OPCML: variants seen among roughly 807,000 people sequenced by gnomAD.
The protein encoded by OPCML is opioid-binding protein/cell adhesion molecule.
In OPCML, 13 loss-of-function variants were observed where a neutral mutation model predicts 37.8. The ratio of observed to expected loss-of-function variants is 0.34; its 90% CI spans 0.22 to 0.55. The LOEUF is 0.55. Among genes scored for constraint, OPCML ranks in the 20% least tolerant of loss-of-function variants. The probability of loss-of-function intolerance (pLI) is 0.91; values close to 1 mark genes in which losing one functional copy is unlikely to be tolerated. For synonymous variants in OPCML, 176 were observed against 168.8 expected, an observed-to-expected ratio of 1.04 and a Z score of -0.33; for missense variants, 341 against 435.6, an observed-to-expected ratio of 0.78 and a Z score of 1.93.
intron 1 of OPCML, among the ~76,000 whole-genome samples, chr11:133,138,712 A>G (rs1949727633): frequency 6.6e-6 from 1 of 152,154 alleles, no homozygotes; most frequent in South Asian, 2.1e-4. Flanking sequence ...CACTCCTGGT[A>G]GATGCTGTAG....
chr11:132,940,529 C>T (rs557147675), intron 2 of OPCML, among the ~76,000 whole-genome samples: 4 of 152,148 alleles, frequency 2.6e-5, no homozygotes, highest in Non-Finnish European at 5.9e-5. Context: ...AAAACACCAC[C>T]AAATAAAACA....
chr11:132,526,872 C>A (rs527834993), intron 4 of OPCML, among the ~76,000 whole-genome samples: 1 of 152,214 alleles, frequency 6.6e-6, no homozygotes, highest in Non-Finnish European at 1.5e-5. Flanking sequence ...TCTTGTGGCC[C>A]TTTGCCGTCA....
At chr11:132,823,192 C>CCCTGTT (rs1211474873) in intron 2 of OPCML, among the ~76,000 whole-genome samples, 7 of 152,188 alleles carry the variant, frequency 4.6e-5, no homozygotes, top group Admixed American at 4.6e-4. Flanking sequence ...CTTCCCCTGT[C>CCCTGTT]CCTGTTCCAT....
At chr11:133,365,313 C>A in intron 1 of OPCML, 1 of 152,862 alleles carries the variant, frequency 6.5e-6, no homozygotes, top group South Asian at 1.9e-4. Flanking sequence ...ACTTACATTT[C>A]TCACAATTCT....
rs765844328 is a variant in OPCML, at chr11:132,420,263, G to A, written c.947C>T (p.Ser316Leu). ...GPGAVIDGVN[S>L]ASRALACLWL... Reference sequence around the variant, plus strand: ...GAGACAAGCCAGTGCTCTGGAGGCCGAGTTTACACCATCAATGACTGCTCC... The same window carrying A: ...GAGACAAGCCAGTGCTCTGGAGGCCAAGTTTACACCATCAATGACTGCTCC... The change falls in exon 8 of 8, where the codon TCG becomes TTG. Residue 316 changes from serine (S) to leucine (L), a missense_variant. Transcript: ENST00000524381. 21 of 1,613,718 alleles carry A rather than the reference G, an allele frequency of 1.3e-5. No homozygotes were observed. Among genetic ancestry groups the A allele is most frequent in the Non-Finnish European group, 1.4e-5 (17 of 1,179,842 alleles).
intron 1 of OPCML, among the ~76,000 whole-genome samples, chr11:132,992,463 C>A (rs75616982): frequency 0.019 from 2,859 of 152,186 alleles, 38 homozygotes; most frequent in Middle Eastern, 0.068. Context: ...TACTTATACA[C>A]GCATCTATTT....
intron 1 of OPCML, among the ~76,000 whole-genome samples, chr11:133,496,873 C>T (rs1031403137): frequency 1.3e-5 from 2 of 152,098 alleles, no homozygotes; most frequent in Non-Finnish European, 2.9e-5. Context: ...TCCTCTTTAC[C>T]AATTTGGATG....
Position 133,151,259 on chromosome 11 carries a change from C to G in OPCML, c.62-208249G>C, listed in dbSNP as rs1023490900. On this transcript the variant is annotated intron_variant, in intron 1 of 7. Coordinates refer to ENST00000524381, the MANE Select transcript of OPCML (RefSeq NM_001012393.5). ...CTGCACTCCAGCCTGGGCAACAGAGCGAGACTCTGTCTCAATAATAATAAT... is the reference window on the plus strand; with the variant it reads ...CTGCACTCCAGCCTGGGCAACAGAGGGAGACTCTGTCTCAATAATAATAAT... Among the ~76,000 whole-genome samples, 4 of 151,688 alleles carry G rather than the reference C, an allele frequency of 2.6e-5. No homozygotes were observed. The East Asian group carries it at 7.8e-4, about 29-fold the overall frequency.
chr11:132,652,385 CAGAG>C (rs796799724), intron 3 of OPCML, among the ~76,000 whole-genome samples: 252 of 126,946 alleles, frequency 2.0e-3, no homozygotes, highest in African/African-American at 8.8e-3. Context: ...CACACACACA[CAGAG>C]AGAGAAATCC....
intron 1 of OPCML, among the ~76,000 whole-genome samples, chr11:133,495,969 C>T (rs1398032220): frequency 6.6e-6 from 1 of 152,102 alleles, no homozygotes; most frequent in Non-Finnish European, 1.5e-5. Flanking sequence ...TCATGAAAAC[C>T]TTGCCTAAGC....
At chr11:132,925,518 G>T (rs974982413) in intron 2 of OPCML, among the ~76,000 whole-genome samples, 3 of 152,174 alleles carry the variant, frequency 2.0e-5, no homozygotes, top group African/African-American at 7.2e-5. Context: ...ACCTGGTGGG[G>T]CTTCTGGAGG....
At chr11:132,955,992 A>G (rs1945970426) in intron 1 of OPCML, among the ~76,000 whole-genome samples, 1 of 152,216 alleles carries the variant, frequency 6.6e-6, no homozygotes, top group Non-Finnish European at 1.5e-5. Flanking sequence ...TCCAATCAAT[A>G]TTTATTCAAT....
chr11:132,954,242 C>T (rs537498348), intron 1 of OPCML, among the ~76,000 whole-genome samples: 11 of 152,122 alleles, frequency 7.2e-5, no homozygotes, highest in African/African-American at 2.4e-4. Context: ...TGGTGTGTTA[C>T]CTGCCCTCAA....
In OPCML at chr11:133,484,164, G is replaced by GTAGA. The variant is rs532495992; in HGVS notation, c.61+48096_61+48099dup. ...GATAGATGGATAGATAGATAGATAG[G>GTAGA]TAGATAGATAGATAGATAGATAGAT... On this transcript the variant is annotated intron_variant, in intron 1 of 7. Transcript: ENST00000524381. Among the ~76,000 whole-genome samples, 833 of 138,324 alleles carry GTAGA rather than the reference G, an allele frequency of 6.0e-3. 3 individuals are homozygous for GTAGA. Among genetic ancestry groups the GTAGA allele is most frequent in the East Asian group, 0.011 (56 of 4,880 alleles). 90.7% of individuals were successfully genotyped at this position (138,324 alleles called of 152,430 possible). A position where few individuals can be genotyped will look rare whatever the true frequency, so the allele number is the denominator to read the frequency against.
At chr11:132,878,913 C>A (rs1027592616) in intron 2 of OPCML, among the ~76,000 whole-genome samples, 1 of 152,242 alleles carries the variant, frequency 6.6e-6, no homozygotes, top group African/African-American at 2.4e-5. Flanking sequence ...TTGAGTACTT[C>A]GTATTTCATT....
intron 1 of OPCML, among the ~76,000 whole-genome samples, chr11:133,510,886 T>TAC (rs918183059): frequency 3.6e-4 from 53 of 145,370 alleles, no homozygotes; most frequent in South Asian, 1.7e-3. Flanking sequence ...GCCAGCCACA[T>TAC]ACACACACAC....
At chr11:133,157,652 G>A (rs1468091170) in intron 1 of OPCML, among the ~76,000 whole-genome samples, 3 of 152,210 alleles carry the variant, frequency 2.0e-5, no homozygotes, top group Admixed American at 1.3e-4. Flanking sequence ...AGCTCACGGA[G>A]GGATAAAGGA....
chr11:133,532,181 C>T, intron 1 of OPCML, 83 bp downstream of exon 1: 4 of 1,558,866 alleles, frequency 2.6e-6, no homozygotes, highest in Non-Finnish European at 3.5e-6. Context: ...TCCTCCTTGC[C>T]TCTCCATCTC....
chr11:133,021,610 A>G, intron 1 of OPCML, among the ~76,000 whole-genome samples: 1 of 24,368 alleles, frequency 4.1e-5, no homozygotes. Context: ...GCTCACTTAA[A>G]GGTATGAGCC....
Sources: allele counts gnomAD v4.1 joint callset (sites outside exome capture counted in the v4.1 genomes callset), GRCh38; gene constraint gnomAD v4.1.1; transcripts MANE v1.5; gene names NCBI Gene and HGNC (gene_info 2026-07-23, HGNC 2026-07-21).